ABI3BP: variants seen among roughly 807,000 people sequenced by gnomAD.
ABI3BP encodes the protein ABI family member 3 binding protein.
In ABI3BP, 216 loss-of-function variants were observed where a neutral mutation model predicts 268.6. The ratio of observed to expected loss-of-function variants is 0.80; its 90% confidence interval spans 0.72 to 0.90. The LOEUF is 0.90. Among genes scored for constraint, ABI3BP ranks in the 40% least tolerant of loss-of-function variants. ABI3BP has a pLI of 0.00. For synonymous variants in ABI3BP, 730 were observed against 730.0 expected, an observed-to-expected ratio of 1.00 and a Z score of 0.00; for missense variants, 2,090 against 2,182.4, an observed-to-expected ratio of 0.96 and a Z score of 0.84.
At chr3:100,863,722 C>A in intron 12 of ABI3BP, 1 of 365,054 alleles carries the variant, frequency 2.7e-6, no homozygotes, top group African/African-American at 2.0e-5. Flanking sequence ...ATAGAGTAAA[C>A]ACATTTACAA....
At chr3:100,932,480 C>T (rs2063984346) in intron 1 of ABI3BP, among the ~76,000 whole-genome samples, 1 of 151,974 alleles carries the variant, frequency 6.6e-6, no homozygotes, top group Non-Finnish European at 1.5e-5. Flanking sequence ...CTATAAGAAA[C>T]TTGAACAAAT....
At position 100,765,930 on chromosome 3, in the gene ABI3BP, T is replaced by C; in HGVS notation, c.4761A>G (p.Arg1587=). 6.2e-7 allele frequency: 1 copy of C among 1,611,640 alleles called. No individual in the cohort carries two copies. Among genetic ancestry groups the C allele is most frequent in the Non-Finnish European group, 8.5e-7 (1 of 1,178,360 alleles). Residue 1587 remains arginine, a synonymous_variant, in exon 63 of 68, where the codon AGA becomes AGG. Coordinates refer to ENST00000471714, the MANE Select transcript of ABI3BP (RefSeq NM_001375547.2). ...DTVTEYEVIS[R]ENGSFSGKNK... ...TCTTCCCACTGAATGACCCATTTTC[T>C]CTGGATATAACTTCATATTCTGTAA...
chr3:100,864,153 G>C, intron 11 of ABI3BP, 77 bp from the exon 12 acceptor site: 1 of 934,812 alleles, frequency 1.1e-6, no homozygotes, highest in Non-Finnish European at 1.7e-6. Flanking sequence ...ATCATGCACA[G>C]CAAGCTTTGT....
At chr3:100,969,507 T>C (rs1422984022) in intron 1 of ABI3BP, among the ~76,000 whole-genome samples, 2 of 152,168 alleles carry the variant, frequency 1.3e-5, no homozygotes, top group African/African-American at 4.8e-5. Context: ...TGGATTTTAT[T>C]ATAAACTTGA....
In ABI3BP at chr3:100,751,684, C is replaced by T; in HGVS notation, c.5123-10G>A. 1 of 1,580,716 alleles carries T rather than the reference C, an allele frequency of 6.3e-7. No individual in the cohort carries two copies. The highest frequency in any genetic ancestry group is 8.6e-7 in the Non-Finnish European group (1 of 1,163,788). ...ATGTTATAAAATTTTCCTGAAGAAC[C>T]AGAAATTAAAAGGATAAAGTTTACT... On this transcript the variant is annotated splice_polypyrimidine_tract_variant and intron_variant, in intron 66 of 67. Transcript: ENST00000471714.
At chr3:100,777,399 A>G (rs1362066279) in intron 59 of ABI3BP, among the ~76,000 whole-genome samples, 1 of 152,164 alleles carries the variant, frequency 6.6e-6, no homozygotes, top group African/African-American at 2.4e-5. Flanking sequence ...TACTGACTCA[A>G]TTTCATTCCT....
intron 3 of ABI3BP, among the ~76,000 whole-genome samples, chr3:100,899,341 A>T (rs1312583853): frequency 2.6e-5 from 4 of 152,226 alleles, no homozygotes; most frequent in African/African-American, 9.6e-5. Flanking sequence ...AATAACATCT[A>T]AGACAAGAAA....
intron 63 of ABI3BP, among the ~76,000 whole-genome samples, chr3:100,760,710 T>C (rs572830069): frequency 2.6e-5 from 4 of 152,292 alleles, no homozygotes; most frequent in African/African-American, 9.6e-5. Flanking sequence ...AGGCATACTT[T>C]ATCAGCTGCT....
intron 29 of ABI3BP, among the ~76,000 whole-genome samples, chr3:100,833,638 T>C (rs775865468): frequency 1.6e-4 from 24 of 152,134 alleles, no homozygotes; most frequent in Admixed American, 7.2e-4. Context: ...TCTGTTCAAA[T>C]AAAGGCATAC....
intron 55 of ABI3BP, among the ~76,000 whole-genome samples, chr3:100,792,201 G>A (rs1445633314): frequency 6.6e-6 from 1 of 151,850 alleles, no homozygotes; most frequent in Non-Finnish European, 1.5e-5. Flanking sequence ...TTCTCTGGAT[G>A]TTTAAATATT....
intron 19 of ABI3BP, 83 bp from the exon 20 acceptor site, chr3:100,846,529 AATAAACTATAC>A: frequency 1.1e-6 from 1 of 941,766 alleles, no homozygotes; most frequent in Non-Finnish European, 1.6e-6. Flanking sequence ...AAAACCTAGA[AATAAACTATAC>A]ATTAAATGGA....
Position 100,842,087 on chromosome 3 carries a change from C to A in ABI3BP, c.1724-48G>T, listed in dbSNP as rs761360251. ...CAAAAGCAATGCTGAAGAGCACCAT[C>A]TGAGATAGAAGTGACATGTTCTTGA... On this transcript the variant is annotated intron_variant, in intron 20 of 67. Coordinates refer to ENST00000471714, the MANE Select transcript of ABI3BP (RefSeq NM_001375547.2). 1.5e-5 allele frequency: 22 copies of A among 1,433,336 alleles called. No homozygotes were observed. The South Asian group carries it at 2.2e-4, about 14-fold the overall frequency. The allele number at this position is 1,433,336 out of a possible 1,614,324, so 88.8% of individuals were successfully genotyped here.
At chr3:100,813,104 A>G (rs908827869) in intron 45 of ABI3BP, among the ~76,000 whole-genome samples, 2 of 152,158 alleles carry the variant, frequency 1.3e-5, no homozygotes, top group Non-Finnish European at 2.9e-5. Flanking sequence ...TGGTCATAAA[A>G]TTCTGAGCTC....
At chr3:100,789,603 A>C in intron 55 of ABI3BP, 87 bp from the exon 56 acceptor site, 442 of 1,283,118 alleles carry the variant, frequency 3.4e-4, no homozygotes, top group Non-Finnish European at 4.3e-4. Flanking sequence ...CCAACAACTC[A>C]TACACTTTGC....
At chr3:100,847,744 T>G (rs970854498) in intron 18 of ABI3BP, 71 bp from the exon 19 acceptor site, 3 of 1,256,310 alleles carry the variant, frequency 2.4e-6, no homozygotes, top group Non-Finnish European at 3.5e-6. Flanking sequence ...AAAGAGGAAC[T>G]AAATGATCCA....
intron 63 of ABI3BP, among the ~76,000 whole-genome samples, chr3:100,755,956 C>T (rs1032830): frequency 6.6e-6 from 1 of 151,748 alleles, no homozygotes. Context: ...CAGTTTGGTA[C>T]GGATGGTACT....
chr3:100,934,360 A>G lies in ABI3BP; in HGVS notation c.80-7879T>C, dbSNP rs1260397912. 2.0e-5 allele frequency among the ~76,000 whole-genome samples: 3 copies of G among 151,964 alleles called. No homozygotes were observed. In the East Asian group the frequency reaches 5.8e-4, roughly 29 times the overall value. ...GTATTCCATGGTATATATGTGCCAC[A>G]TTTTCCTTATCCAGTCTATCACTGA... On this transcript the variant is annotated intron_variant, in intron 1 of 67. Transcript: ENST00000471714.
chr3:100,980,704 A>G (rs1298611499), intron 1 of ABI3BP, among the ~76,000 whole-genome samples: 1 of 152,212 alleles, frequency 6.6e-6, no homozygotes, highest in Non-Finnish European at 1.5e-5. Context: ...AAAGAGGTTT[A>G]TATGTTGAAA....
At chr3:100,904,706 A>T (rs892094228) in intron 2 of ABI3BP, among the ~76,000 whole-genome samples, 1 of 152,214 alleles carries the variant, frequency 6.6e-6, no homozygotes, top group Non-Finnish European at 1.5e-5. Flanking sequence ...CAAAACCACA[A>T]TGAGATACCA....
Sources: gnomAD v4.1 joint callset for allele counts (sites outside exome capture counted in the v4.1 genomes callset) on GRCh38, gnomAD v4.1.1 for gene constraint, MANE v1.5 for transcripts, NCBI Gene and HGNC (gene_info 2026-07-23, HGNC 2026-07-21) for gene names.